The following RNF43 variants were observed in gnomAD, a reference collection of about 807,000 sequenced individuals.
RNF43 encodes the protein ring finger protein 43.
RNF43 carries 37 observed loss-of-function variants against 78.4 expected under a neutral mutation model. That is an observed-to-expected ratio of 0.47 (90% CI 0.36 to 0.62). RNF43 has a LOEUF of 0.62. RNF43 is among the 20% of genes least tolerant of loss of function. The pLI, the probability that RNF43 is intolerant of heterozygous loss-of-function variation, is 0.00. For missense variants in RNF43, 774 were observed against 1,007.9 expected (o/e 0.77, Z 3.14); for synonymous variants, 347 against 395.0 (o/e 0.88, Z 1.44).
intron 3 of RNF43, among the ~76,000 whole-genome samples, chr17:58,364,892 C>G (rs1210809856): frequency 6.6e-6 from 1 of 152,206 alleles, no homozygotes; most frequent in African/African-American, 2.4e-5. Flanking sequence ...TTTCCTTGCT[C>G]CAGCTCTCTG....
chr17:58,370,510 A>C (rs1973069053), intron 3 of RNF43, among the ~76,000 whole-genome samples: 1 of 152,158 alleles, frequency 6.6e-6, no homozygotes, highest in South Asian at 2.1e-4. Flanking sequence ...ACCTCAGGGG[A>C]AAAGTGTGAA....
At chr17:58,384,637 G>A (rs1973393435) in intron 2 of RNF43, among the ~76,000 whole-genome samples, 1 of 152,154 alleles carries the variant, frequency 6.6e-6, no homozygotes, top group Non-Finnish European at 1.5e-5. Context: ...TGCATATTGG[G>A]CTTGTGACCT....
rs1974147020 is a variant in RNF43 at position 58,417,322 on chromosome 17, C to T, written c.-691G>A. 6.6e-6 allele frequency: 1 copy of T among 152,172 alleles called. No homozygotes were observed. The highest frequency in any genetic ancestry group is 1.9e-4 in the East Asian group (1 of 5,190). 9.4% of individuals were successfully genotyped at this position (152,172 alleles called of 1,614,324 possible). ...ATCATTTCTGAAACCTCCTTGCTAA[C>T]AAAAGTTCTTTTTTTCTCCAAACAG... is the stretch of plus-strand genomic sequence containing the variant. On this transcript the variant is annotated 5_prime_UTR_variant, in exon 1 of 10. Coordinates refer to ENST00000407977, the MANE Select transcript of RNF43 (RefSeq NM_017763.6).
In RNF43 at chr17:58,363,509, C is replaced by T; in HGVS notation, c.450+17G>A. The T allele has an allele frequency of 6.2e-7, 1 of 1,611,052 alleles. No homozygotes were observed. Among genetic ancestry groups the T allele is most frequent in the East Asian group, 2.2e-5 (1 of 44,822 alleles). The stretch of plus-strand genomic sequence containing the variant: ...CCATCCAGCCCCCACCTTGAACACG[C>T]AAATGTCCCTGGGTACCTGCTCAGC... On this transcript the variant is annotated intron_variant, in intron 4 of 9. Transcript: ENST00000407977.
chr17:58,363,743 A>C, intron 3 of RNF43, 143 bp from the exon 4 acceptor site: 1 of 670,984 alleles, frequency 1.5e-6, no homozygotes, highest in Non-Finnish European at 2.5e-6. Context: ...TACCTATGCA[A>C]GGGGTCACTG....
intron 3 of RNF43, among the ~76,000 whole-genome samples, chr17:58,365,771 G>A (rs1972935547): frequency 6.6e-6 from 1 of 152,232 alleles, no homozygotes; most frequent in African/African-American, 2.4e-5. Context: ...AATTTGGAAA[G>A]CAGAGAGAGG....
At chr17:58,395,620 A>G (rs1264028442) in intron 2 of RNF43, among the ~76,000 whole-genome samples, 5 of 152,240 alleles carry the variant, frequency 3.3e-5, no homozygotes, top group South Asian at 2.1e-4. Context: ...CCCTCACTAT[A>G]AAGATCAGGT....
rs1376139243 is a variant in RNF43, at chr17:58,357,615, T to G, written c.2161A>C (p.Asn721His). 1 of 1,613,546 alleles carries G rather than the reference T, an allele frequency of 6.2e-7. No homozygotes were observed. The highest frequency in any genetic ancestry group is 8.5e-7 in the Non-Finnish European group (1 of 1,179,822). ...AGGCACAACCACACTGGCTGTGAAT[T>G]TGAGTAACAGGGGCCTGGGGTTTCT... ...LPETPGPCYS[N>H]SQPVWLCLTP... Residue 721 changes from asparagine (N) to histidine (H), a missense_variant, in exon 9 of 10, where the codon AAT (asparagine) becomes CAT (histidine). Coordinates refer to ENST00000407977, the MANE Select transcript of RNF43 (RefSeq NM_017763.6). This position sits in a 1 kb window ranked among gnomAD's most constrained non-coding sequence, Gnocchi z 4.5.
chr17:58,412,745 A>G (rs1345930184), intron 2 of RNF43, among the ~76,000 whole-genome samples: 1 of 152,090 alleles, frequency 6.6e-6, no homozygotes, highest in African/African-American at 2.4e-5. Context: ...TTGTCTATAC[A>G]CTGAATTAAT....
In RNF43 at chr17:58,363,365, G is replaced by C. The variant is rs1972881434; in HGVS notation, c.492C>G (p.Ile164Met). 1 of 1,614,174 alleles carries C rather than the reference G, an allele frequency of 6.2e-7. No homozygotes were observed. The highest frequency in any genetic ancestry group is 1.7e-5 in the Admixed American group (1 of 60,022). ...PLGLTWPVVL[I>M]WGNDAEKLME... ...TCAGCTTCTCAGCGTCATTACCCCA[G>C]ATCAACACCACTGGCCAGGTCAGCC... is the stretch of plus-strand genomic sequence containing the variant. Residue 164 changes from isoleucine (I) to methionine (M), a missense_variant, in exon 5 of 10, where the codon ATC becomes ATG. Physicochemically the swap from Ile to Met is conservative, Grantham distance 10. Coordinates refer to ENST00000407977, the MANE Select transcript of RNF43 (RefSeq NM_017763.6).
In RNF43 at chr17:58,360,832, C is replaced by T; in HGVS notation, c.800G>A (p.Ser267Asn). 3 of 1,613,264 alleles carry T rather than the reference C, an allele frequency of 1.9e-6. No individual in the cohort carries two copies. Among genetic ancestry groups the T allele is most frequent in the Non-Finnish European group, 2.5e-6 (3 of 1,179,618 alleles). The change falls in exon 7 of 10, where the codon AGC becomes AAC. Residue 267 changes from serine (S) to asparagine (N), a missense_variant. By Grantham distance (46) the Ser-to-Asn change is conservative. Coordinates refer to ENST00000407977, the MANE Select transcript of RNF43 (RefSeq NM_017763.6). The surrounding 1 kb of genome is among the most constrained non-coding windows in gnomAD (Gnocchi z 4.3). ...ACAGATGGCACACACAGGGGCTGAG[C>T]TGCAGCTGCTCCCTGAGTCTGGCCA... Reference protein sequence around the residue: ...GEWPDSGSSCSSAPVCAICLE... With the variant: ...GEWPDSGSSCNSAPVCAICLE...
intron 2 of RNF43, among the ~76,000 whole-genome samples, chr17:58,386,377 A>C (rs745637525): frequency 6.8e-6 from 1 of 147,362 alleles, no homozygotes; most frequent in Non-Finnish European, 1.5e-5. Flanking sequence ...CAGTGAGCTG[A>C]GATTGTGCCA....
At chr17:58,408,140 C>T (rs1973950996) in intron 2 of RNF43, among the ~76,000 whole-genome samples, 1 of 152,128 alleles carries the variant, frequency 6.6e-6, no homozygotes, top group African/African-American at 2.4e-5. Context: ...ATTAAGTAAA[C>T]TGAAGGTAAA....
At chr17:58,364,844 A>G (rs1972915901) in intron 3 of RNF43, among the ~76,000 whole-genome samples, 2 of 152,216 alleles carry the variant, frequency 1.3e-5, no homozygotes, top group African/African-American at 2.4e-5. Flanking sequence ...AGAGCCTGTC[A>G]GGGCAGGTCT....
chr17:58,354,155 T>C lies in RNF43; in HGVS notation c.*788A>G, dbSNP rs1481708559. ...CCCGCTCAGCTGTAATTCTGCCTTT[T>C]CTACCTTCATTCCATCCTTCCTCTG... On this transcript the variant is annotated 3_prime_UTR_variant, in exon 10 of 10. Transcript: ENST00000407977. 4.9e-6 allele frequency: 1 copy of C among 202,508 alleles called. No individual in the cohort carries two copies. The highest frequency in any genetic ancestry group is 6.0e-5 in the Admixed American group (1 of 16,708). 12.5% of individuals were successfully genotyped at this position (202,508 alleles called of 1,614,324 possible).
rs786205215 is a variant in RNF43, at chr17:58,363,582, G to C, written c.394C>G (p.Arg132Gly). ...LASKARMAGE[R>G]GASAVLFDIT... ...TCAAAGAGGACAGCACTGGCTCCTCGCTCACCCGCCATCCGAGCCTGCAGA... is the reference window on the plus strand; with the variant it reads ...TCAAAGAGGACAGCACTGGCTCCTCCCTCACCCGCCATCCGAGCCTGCAGA... The change falls in exon 4 of 10, where the codon CGA (arginine) becomes GGA (glycine). Residue 132 changes from arginine to glycine, a missense_variant. Arg to Gly is a moderately radical substitution (Grantham distance 125). Coordinates refer to ENST00000407977, the MANE Select transcript of RNF43 (RefSeq NM_017763.6). The C allele has an allele frequency of 6.2e-7, 1 of 1,611,500 alleles. No individual in the cohort carries two copies. The highest frequency in any genetic ancestry group is 8.5e-7 in the Non-Finnish European group (1 of 1,178,198).
chr17:58,369,592 G>A (rs1268199816), intron 3 of RNF43, among the ~76,000 whole-genome samples: 4 of 152,192 alleles, frequency 2.6e-5, no homozygotes, highest in Non-Finnish European at 5.9e-5. Flanking sequence ...CACTCCACAC[G>A]TATGTTCAGT....
Position 58,362,575 on chromosome 17 carries a change from C to T in RNF43, c.656G>A (p.Arg219His), listed in dbSNP as rs377765604. 8.7e-6 allele frequency: 14 copies of T among 1,610,248 alleles called. No individual in the cohort carries two copies. Among genetic ancestry groups the T allele is most frequent in the South Asian group, 3.3e-5 (3 of 90,598 alleles). The change falls in exon 6 of 10, where the codon CGC becomes CAC. Residue 219 changes from arginine to histidine, a missense_variant. Coordinates refer to ENST00000407977, the MANE Select transcript of RNF43 (RefSeq NM_017763.6). Reference protein sequence around the residue: ...IFVIILASVLRIRCRPRHSRP... With the variant: ...IFVIILASVLHIRCRPRHSRP... ...GCTGTGGCGGGGGCGGCACCGGATG[C>T]GCAGCACCGAAGCCAGGATGATCAC...
At chr17:58,375,254 G>C (rs967845239) in intron 2 of RNF43, among the ~76,000 whole-genome samples, 1 of 152,048 alleles carries the variant, frequency 6.6e-6, no homozygotes, top group Non-Finnish European at 1.5e-5. Context: ...CTCTTACAAG[G>C]CTCCTCATAG....
Sources: allele counts gnomAD v4.1 joint callset (sites outside exome capture counted in the v4.1 genomes callset), GRCh38; gene constraint gnomAD v4.1.1; non-coding constraint Gnocchi (gnomAD v3.1); transcripts MANE v1.5; gene names NCBI Gene and HGNC (gene_info 2026-07-23, HGNC 2026-07-21).